The following TRIB2 variants were observed in gnomAD, a reference collection of about 807,000 sequenced individuals.
TRIB2 encodes the protein tribbles homolog 2.
A neutral mutation model predicts 26.8 loss-of-function variants in TRIB2; 2 were observed. The ratio of observed to expected loss-of-function variants is 0.07; its 90% CI spans 0.03 to 0.24. The LOEUF (loss-of-function observed/expected upper bound fraction) is 0.24. TRIB2 is among the 10% of genes least tolerant of loss of function. The pLI is 1.00. For missense variants in TRIB2, 306 were observed against 449.0 expected (o/e 0.68, Z 2.88); for synonymous variants, 189 against 187.3 (o/e 1.01, Z -0.08).
At chr2:12,734,898 C>T (rs1430780088) in intron 2 of TRIB2, among the ~76,000 whole-genome samples, 2 of 152,186 alleles carry the variant, frequency 1.3e-5, no homozygotes, top group African/African-American at 4.8e-5. Flanking sequence ...CAAGACTGTT[C>T]ATTCATTTCT....
chr2:12,721,605 A>G (rs1370695605), intron 1 of TRIB2, among the ~76,000 whole-genome samples: 1 of 152,230 alleles, frequency 6.6e-6, no homozygotes, highest in Non-Finnish European at 1.5e-5. Context: ...TTGGGTCATC[A>G]TTTGACAGTA....
Position 12,717,507 on chromosome 2 carries a change from G to A in TRIB2, c.-801G>A, listed in dbSNP as rs1040850460. 2.3e-5 allele frequency: 9 copies of A among 398,296 alleles called. No individual in the cohort carries two copies. The highest frequency in any genetic ancestry group is 4.4e-5 in the Admixed American group (1 of 22,716). 24.7% of individuals were successfully genotyped at this position (398,296 alleles called of 1,614,324 possible). ...CGGGCCGAGCCCAGGGCTTTGTCGC[G>A]GTACCTGCGCCCAGCCCGCGCCGCA... On this transcript the variant is annotated 5_prime_UTR_variant, in exon 1 of 3. Transcript: ENST00000155926. The surrounding 1 kb of genome is among the most constrained non-coding windows in gnomAD (Gnocchi z 4.8).
At chr2:12,739,941 C>T (rs563245641) in intron 2 of TRIB2, among the ~76,000 whole-genome samples, 8 of 152,244 alleles carry the variant, frequency 5.3e-5, no homozygotes, top group South Asian at 2.1e-4. Context: ...GGTTAGGTCT[C>T]GGTTTGAATT....
intron 2 of TRIB2, among the ~76,000 whole-genome samples, chr2:12,734,407 C>CA (rs1306489909): frequency 6.6e-6 from 1 of 152,106 alleles, no homozygotes; most frequent in Non-Finnish European, 1.5e-5. Context: ...TGGGGAAAAG[C>CA]ATTCCAGCCC....
chr2:12,735,086 G>A (rs1661540135), intron 2 of TRIB2, among the ~76,000 whole-genome samples: 1 of 152,156 alleles, frequency 6.6e-6, no homozygotes, highest in Admixed American at 6.5e-5. Flanking sequence ...ACCCCCGCCT[G>A]TCAGACCTCC....
intron 2 of TRIB2, among the ~76,000 whole-genome samples, chr2:12,736,867 G>C (rs1185831282): frequency 1.3e-5 from 2 of 152,234 alleles, no homozygotes; most frequent in Non-Finnish European, 2.9e-5. Context: ...GCTGAAAAGA[G>C]GAGGAGGGCG....
chr2:12,727,277 A>G (rs17511374), intron 2 of TRIB2, among the ~76,000 whole-genome samples: 62,307 of 151,970 alleles, frequency 0.41, 15,433 homozygotes, highest in East Asian at 0.82. Context: ...CAGGGCAGGC[A>G]CTCATGAAGG....
In TRIB2 at chr2:12,741,395, T is replaced by A. The variant is rs1661709588; in HGVS notation, c.*601T>A. ...ACTCATTTCTTCTAAATAAACTATT[T>A]AATATCCTGGTCAGGAAATGACATG... On this transcript the variant is annotated 3_prime_UTR_variant, in exon 3 of 3. Coordinates refer to ENST00000155926, the MANE Select transcript of TRIB2 (RefSeq NM_021643.4). The A allele has an allele frequency of 6.5e-6, 1 of 153,042 alleles. No homozygotes were observed. Among genetic ancestry groups the A allele is most frequent in the Admixed American group, 6.5e-5 (1 of 15,316 alleles). The allele number at this position is 153,042 out of a possible 1,614,324, so 9.5% of individuals were successfully genotyped here.
chr2:12,718,113 G>A lies in TRIB2; in HGVS notation c.-195G>A. ...CCGACCGAGGACCCCCGGGAGCCGG[G>A]CTCGGAGCAGACGAGGTATCCGGCG... On this transcript the variant is annotated 5_prime_UTR_variant, in exon 1 of 3. Transcript: ENST00000155926. This position sits in a 1 kb window ranked among gnomAD's most constrained non-coding sequence, Gnocchi z 4.0. 1.4e-6 allele frequency: 1 copy of A among 734,568 alleles called. No individual in the cohort carries two copies. Among genetic ancestry groups the A allele is most frequent in the South Asian group, 2.1e-5 (1 of 47,484 alleles). 45.5% of individuals were successfully genotyped at this position (734,568 alleles called of 1,614,324 possible). A position where few individuals can be genotyped will look rare whatever the true frequency, so the allele number is the denominator to read the frequency against.
At chr2:12,735,318 A>T (rs1247110156) in intron 2 of TRIB2, among the ~76,000 whole-genome samples, 1 of 152,050 alleles carries the variant, frequency 6.6e-6, no homozygotes, top group Non-Finnish European at 1.5e-5. Flanking sequence ...CCTGCCTGGG[A>T]TGCAGATTCT....
At chr2:12,728,053 G>T (rs1661371880) in intron 2 of TRIB2, among the ~76,000 whole-genome samples, 1 of 152,298 alleles carries the variant, frequency 6.6e-6, no homozygotes, top group African/African-American at 2.4e-5. Flanking sequence ...GAGAAGTCCT[G>T]TTACTTCTAT....
In TRIB2 at chr2:12,732,216, G is replaced by A. The variant is rs548615213; in HGVS notation, c.564-8110G>A. Among the ~76,000 whole-genome samples, 1 of 152,144 alleles carries A rather than the reference G, an allele frequency of 6.6e-6. No homozygotes were observed. Among genetic ancestry groups the A allele is most frequent in the Non-Finnish European group, 1.5e-5 (1 of 68,026 alleles). ...AGGCACCATGGATGGGAGTCGGGCA[G>A]GAATGTGCACCTGCATGCGGACAGG... On this transcript the variant is annotated intron_variant, in intron 2 of 2. Transcript: ENST00000155926. The surrounding 1 kb of genome is among the most constrained non-coding windows in gnomAD (Gnocchi z 4.2).
intron 2 of TRIB2, among the ~76,000 whole-genome samples, chr2:12,735,033 C>T (rs550942671): frequency 6.6e-6 from 1 of 152,318 alleles, no homozygotes; most frequent in South Asian, 2.1e-4. Context: ...AGCAGCCTCC[C>T]TGCAGTTACA....
At chr2:12,726,267 T>C (rs1374814594) in intron 2 of TRIB2, among the ~76,000 whole-genome samples, 2 of 152,258 alleles carry the variant, frequency 1.3e-5, no homozygotes, top group Non-Finnish European at 2.9e-5. Context: ...CACCTTTTTC[T>C]TCTTGTTGTT....
chr2:12,736,385 C>G (rs1661569288), intron 2 of TRIB2, among the ~76,000 whole-genome samples: 1 of 152,064 alleles, frequency 6.6e-6, no homozygotes. Context: ...AGCTCTGCAC[C>G]CTGACAAGAC....
At chr2:12,736,329 G>A (rs979139874) in intron 2 of TRIB2, among the ~76,000 whole-genome samples, 1 of 152,130 alleles carries the variant, frequency 6.6e-6, no homozygotes, top group Non-Finnish European at 1.5e-5. Flanking sequence ...GAAGGAGGGA[G>A]AGGGAGATGG....
Position 12,740,856 on chromosome 2 carries a change from C to G in TRIB2, c.*62C>G. 1 of 1,454,386 alleles carries G rather than the reference C, an allele frequency of 6.9e-7. No individual in the cohort carries two copies. The allele number at this position is 1,454,386 out of a possible 1,614,324, so 90.1% of individuals were successfully genotyped here. A position where few individuals can be genotyped will look rare whatever the true frequency, so the allele number is the denominator to read the frequency against. ...TGAGCGAGGGCAGCGGAAAGGAGTTCTTCCGGGGGACACGAATTGCCTGGC... is the reference window on the plus strand; with the variant it reads ...TGAGCGAGGGCAGCGGAAAGGAGTTGTTCCGGGGGACACGAATTGCCTGGC... On this transcript the variant is annotated 3_prime_UTR_variant, in exon 3 of 3. Transcript: ENST00000155926. This position sits in a 1 kb window ranked among gnomAD's most constrained non-coding sequence, Gnocchi z 5.8.
intron 2 of TRIB2, among the ~76,000 whole-genome samples, chr2:12,738,820 A>G (rs990300901): frequency 6.6e-6 from 1 of 152,200 alleles, no homozygotes; most frequent in Non-Finnish European, 1.5e-5. Context: ...TAGATTAGGT[A>G]TAGTTAATGA....
intron 2 of TRIB2, among the ~76,000 whole-genome samples, chr2:12,731,693 C>T (rs901813673): frequency 3.3e-5 from 5 of 152,344 alleles, no homozygotes; most frequent in South Asian, 2.1e-4. Flanking sequence ...CGTGCCTACG[C>T]GCACATCTCC....
Sources: allele counts gnomAD v4.1 joint callset (sites outside exome capture counted in the v4.1 genomes callset), GRCh38; gene constraint gnomAD v4.1.1; non-coding constraint Gnocchi (gnomAD v3.1); transcripts MANE v1.5; gene names NCBI Gene and HGNC (gene_info 2026-07-23, HGNC 2026-07-21).